CCDC33: variants seen among roughly 807,000 people sequenced by gnomAD.
CCDC33 encodes the protein coiled-coil domain containing 33.
Under a neutral mutation model 91.9 loss-of-function variants are expected in CCDC33, and 94 were observed. That is an observed-to-expected ratio of 1.02 (90% CI 0.87 to 1.21). The LOEUF (loss-of-function observed/expected upper bound fraction) is 1.21, where lower values mean the gene tolerates loss of function less well. CCDC33 is among the 50% of genes most tolerant of loss of function. The pLI, the probability that CCDC33 is intolerant of heterozygous loss-of-function variation, is 0.00. For synonymous variants in CCDC33, 396 were observed against 374.5 expected (o/e 1.06, Z -0.66); for missense variants, 940 against 935.5 (o/e 1.00, Z -0.06).
intron 18 of CCDC33, chr15:74,335,559 GC>G: frequency 2.9e-6 from 1 of 340,276 alleles, no homozygotes; most frequent in Non-Finnish European, 5.4e-6. Context: ...GCTCACAACT[GC>G]CCCTCAAGTT....
chr15:74,265,243 G>A (rs551336059), intron 3 of CCDC33, among the ~76,000 whole-genome samples: 1 of 152,234 alleles, frequency 6.6e-6, no homozygotes, highest in East Asian at 1.9e-4. Context: ...CCCTGGTGCT[G>A]AAACCCCTTG....
intron 1 of CCDC33, chr15:74,208,825 C>A: frequency 1.0e-6 from 1 of 989,436 alleles, no homozygotes. Flanking sequence ...CTCCTGACCT[C>A]TCCCTTCCTT....
chr15:74,294,126 A>C (rs2059634898), intron 10 of CCDC33, among the ~76,000 whole-genome samples: 1 of 152,202 alleles, frequency 6.6e-6, no homozygotes, highest in African/African-American at 2.4e-5. Flanking sequence ...GTTCAGGGTC[A>C]AACACCTGGG....
At chr15:74,262,181 C>T (rs2076041488) in intron 2 of CCDC33, among the ~76,000 whole-genome samples, 1 of 152,154 alleles carries the variant, frequency 6.6e-6, no homozygotes, top group African/African-American at 2.4e-5. Flanking sequence ...CCATCCCTAC[C>T]CCTGCCCTGA....
At chr15:74,257,664 C>T (rs76247648) in intron 2 of CCDC33, among the ~76,000 whole-genome samples, 3,243 of 152,348 alleles carry the variant, frequency 0.021, 55 homozygotes, top group Middle Eastern at 0.041. Context: ...GCCAAACAGC[C>T]CCCCTCAAGC....
At position 74,331,029 on chromosome 15, in the gene CCDC33, C is replaced by T. The variant is rs775545714; in HGVS notation, c.1594C>T (p.Pro532Ser). 13 of 1,611,670 alleles carry T rather than the reference C, an allele frequency of 8.1e-6. No homozygotes were observed. The highest frequency in any genetic ancestry group is 6.7e-5 in the Admixed American group (4 of 59,742). ...GCTCCTTCTGTATCAGGCCCAGCAG[C>T]CACAGGCCGCTCTGCTGAAGCAGTA... is the stretch of plus-strand genomic sequence containing the variant. The part of the protein sequence containing the change: ...ELLLLYQAQQ[P>S]QAALLKQYQG... Residue 532 changes from proline to serine, a missense_variant, in exon 14 of 19, where the codon CCA becomes TCA. Pro to Ser is a moderately conservative substitution (Grantham distance 74). Transcript: ENST00000398814.
chr15:74,279,833 A>C, intron 7 of CCDC33, 130 bp from the exon 8 acceptor site: 1 of 1,311,638 alleles, frequency 7.6e-7, no homozygotes, highest in Non-Finnish European at 1.0e-6. Flanking sequence ...CACTGTGCCC[A>C]GCCAGCTTGC....
rs1280027604 is a variant in CCDC33 at position 74,268,331 on chromosome 15, C to T, written c.430-11C>T. 2 of 1,602,842 alleles carry T rather than the reference C, an allele frequency of 1.2e-6. No individual in the cohort carries two copies. Among genetic ancestry groups the T allele is most frequent in the Non-Finnish European group, 1.7e-6 (2 of 1,169,930 alleles). ...CTTCCTCTGTGTCTTCTGCCCCAAC[C>T]CTGTCTCCAGCCCACTGAGTCTGGG... On this transcript the variant is annotated splice_polypyrimidine_tract_variant and intron_variant, in intron 4 of 18. Transcript: ENST00000398814.
At chr15:74,283,840 C>A (rs1466201873) in intron 10 of CCDC33, among the ~76,000 whole-genome samples, 1 of 146,256 alleles carries the variant, frequency 6.8e-6, no homozygotes, top group African/African-American at 2.5e-5. Context: ...TATACACTCT[C>A]AATCACGTGT....
At chr15:74,256,632 A>T (rs1393977649) in intron 2 of CCDC33, among the ~76,000 whole-genome samples, 1 of 152,170 alleles carries the variant, frequency 6.6e-6, no homozygotes, top group African/African-American at 2.4e-5. Context: ...ATGCCACAGG[A>T]CAGGACACGG....
At chr15:74,239,632 G>A (rs1016693073) in intron 1 of CCDC33, among the ~76,000 whole-genome samples, 2 of 152,210 alleles carry the variant, frequency 1.3e-5, no homozygotes, top group African/African-American at 4.8e-5. Context: ...CCTTGGGCAG[G>A]TAAACTGGCC....
At chr15:74,203,198 C>T in intron 1 of CCDC33, 2 of 977,804 alleles carry the variant, frequency 2.0e-6, no homozygotes, top group Non-Finnish European at 2.4e-6. Flanking sequence ...ACATGTGTCT[C>T]ATTGGTAAAC....
chr15:74,211,801 CCTCT>C (rs1480530572), intron 2 of CCDC33, among the ~76,000 whole-genome samples: 1 of 152,040 alleles, frequency 6.6e-6, no homozygotes, highest in Non-Finnish European at 1.5e-5. Context: ...TCTGTTTCAC[CCTCT>C]CTGTGTCTGA....
intron 10 of CCDC33, among the ~76,000 whole-genome samples, chr15:74,288,654 T>C (rs2059525018): frequency 6.6e-6 from 1 of 152,190 alleles, no homozygotes; most frequent in Admixed American, 6.5e-5. Flanking sequence ...CTGTGGTATT[T>C]CACCTTTTTT....
chr15:74,296,061 C>T, intron 11 of CCDC33, 113 bp downstream of exon 11: 2 of 878,340 alleles, frequency 2.3e-6, no homozygotes, highest in Non-Finnish European at 3.4e-6. Context: ...GTAGACCTCC[C>T]TCCCCTTAGG....
At chr15:74,331,362 C>G in intron 15 of CCDC33, 66 bp downstream of exon 15, 1 of 1,525,544 alleles carries the variant, frequency 6.6e-7, no homozygotes, top group Non-Finnish European at 9.0e-7. Flanking sequence ...CCCTGCCTTC[C>G]TGGAGCCTCT....
chr15:74,331,755 C>A (rs1475218543), intron 15 of CCDC33, among the ~76,000 whole-genome samples: 1 of 152,200 alleles, frequency 6.6e-6, no homozygotes, highest in Non-Finnish European at 1.5e-5. Flanking sequence ...TGGGGCCAGG[C>A]GCAATGGTTC....
At chr15:74,279,876 C>T (rs1163310762) in intron 7 of CCDC33, 87 bp from the exon 8 acceptor site, 1 of 1,514,446 alleles carries the variant, frequency 6.6e-7, no homozygotes, top group Non-Finnish European at 8.9e-7. Flanking sequence ...TGTGACAAAT[C>T]TAGATACACA....
chr15:74,214,232 G>A (rs565446013), upstream of CCDC33, among the ~76,000 whole-genome samples: 22 of 152,156 alleles, frequency 1.4e-4, no homozygotes, highest in South Asian at 4.0e-3. Context: ...CAAAGCCAGC[G>A]GCCTCTGAGT....
Sources: allele counts gnomAD v4.1 joint callset (sites outside exome capture counted in the v4.1 genomes callset), GRCh38; gene constraint gnomAD v4.1.1; transcripts MANE v1.5; gene names NCBI Gene and HGNC (gene_info 2026-07-23, HGNC 2026-07-21).